The following GSTA5 variants were observed in gnomAD, a reference collection of about 807,000 sequenced individuals.
GSTA5 encodes glutathione S-transferase alpha 5, also known as glutathione S-transferase A5.
A neutral mutation model predicts 21.8 loss-of-function variants in GSTA5; 25 were observed. The observed-to-expected ratio is 1.14, with a 90% CI of 0.83 to 1.60. The LOEUF is 1.60. GSTA5 is among the 40% of genes most tolerant of loss of function. The probability of loss-of-function intolerance (pLI) is 0.00; values close to 1 mark genes in which losing one functional copy is unlikely to be tolerated. For missense variants in GSTA5, 330 were observed against 259.2 expected, an observed-to-expected ratio of 1.27 and a Z score of -1.88; for synonymous variants, 102 against 89.5, an observed-to-expected ratio of 1.14 and a Z score of -0.78.
At chr6:52,844,908 C>G (rs929618844), upstream of GSTA5, among the ~76,000 whole-genome samples, 1 of 152,058 alleles carries the variant, frequency 6.6e-6, no homozygotes, top group Admixed American at 6.5e-5. Context: ...GTATATGTAT[C>G]TATTTATAAT....
upstream of GSTA5, among the ~76,000 whole-genome samples, chr6:52,844,112 A>C (rs1487922871): frequency 6.6e-6 from 1 of 152,122 alleles, no homozygotes; most frequent in Non-Finnish European, 1.5e-5. Context: ...AATGGCTCCT[A>C]ATAGCCATTC....
chr6:52,837,209 A>C (rs1174648576), intron 2 of GSTA5, among the ~76,000 whole-genome samples: 1 of 152,176 alleles, frequency 6.6e-6, no homozygotes, highest in Non-Finnish European at 1.5e-5. Context: ...TCCTCCTTTC[A>C]TCTAGCGCAT....
intron 5 of GSTA5, among the ~76,000 whole-genome samples, chr6:52,832,385 T>C (rs1247007946): frequency 6.6e-6 from 1 of 152,148 alleles, no homozygotes; most frequent in Admixed American, 6.5e-5. Context: ...CCACCTTTTC[T>C]CAGTGACAGA....
At chr6:52,836,147 T>C in intron 3 of GSTA5, 89 bp downstream of exon 3, 2 of 1,440,392 alleles carry the variant, frequency 1.4e-6, no homozygotes, top group Non-Finnish European at 1.9e-6. Flanking sequence ...CTGCTGGTCA[T>C]GATGCCCTGC....
At chr6:52,834,209 C>T in exon 4 of GSTA5, 8 of 1,614,050 alleles carry the variant, frequency 5.0e-6, no homozygotes, top group Non-Finnish European at 6.8e-6. Context: ...GCATCTCTTT[C>T]CTCTGGTTGA....
intron 3 of GSTA5, among the ~76,000 whole-genome samples, chr6:52,835,705 G>A (rs987721334): frequency 3.3e-5 from 5 of 152,116 alleles, no homozygotes; most frequent in Non-Finnish European, 7.4e-5. Context: ...CTATCCATGT[G>A]TCAAGGTAAC....
At chr6:52,844,886 C>T (rs543992086), upstream of GSTA5, among the ~76,000 whole-genome samples, 1 of 152,248 alleles carries the variant, frequency 6.6e-6, no homozygotes, top group African/African-American at 2.4e-5. Flanking sequence ...ATTTTACCTA[C>T]CAACAATCTA....
At chr6:52,842,701 G>A (rs113057372), upstream of GSTA5, among the ~76,000 whole-genome samples, 3,679 of 152,176 alleles carry the variant, frequency 0.024, 71 homozygotes, top group Non-Finnish European at 0.036. Context: ...CACTGCACCC[G>A]CCGTCAACTA....
chr6:52,837,465 CCCCCCACACACATAGGTATT>C, intron 2 of GSTA5, 73 bp downstream of exon 2: 1 of 772,558 alleles, frequency 1.3e-6, no homozygotes, highest in Non-Finnish European at 2.2e-6. Context: ...CTAAATATCA[CCCCCCACACACATAGGTATT>C]CCTGGCTGCT....
At chr6:52,837,722 C>G (rs568046732) in intron 1 of GSTA5, 113 bp from the exon 2 acceptor site, 4 of 746,062 alleles carry the variant, frequency 5.4e-6, no homozygotes, top group South Asian at 3.6e-5. Flanking sequence ...TTCTGAGTTT[C>G]GCAGGATATA....
rs556152653 is a variant in GSTA5, at chr6:52,832,752, A to G, written c.546+107T>C. 37 of 1,552,256 alleles carry G rather than the reference A, an allele frequency of 2.4e-5. 1 individual carries two copies. In the East Asian group the frequency reaches 8.2e-4, roughly 34 times the overall value. On this transcript the variant is annotated intron_variant, in intron 5 of 5. Coordinates refer to ENST00000370989, the Ensembl canonical transcript of GSTA5. ...ATTTTGGAGACCTTGGGGGCACTGA[A>G]GGGCTGGAGAAGGGTGGGGTCAAAA...
chr6:52,834,050 G>A, intron 4 of GSTA5, 91 bp downstream of exon 4: 1 of 1,406,620 alleles, frequency 7.1e-7, no homozygotes, highest in Non-Finnish European at 1.0e-6. Context: ...CTCACTGAAA[G>A]TGAAGGTCAG....
In GSTA5 at chr6:52,836,339, T is replaced by C. The variant is rs1322103924; in HGVS notation, c.169A>G (p.Met57Val). 8.1e-6 allele frequency: 13 copies of C among 1,613,642 alleles called. No homozygotes were observed. The highest frequency in any genetic ancestry group is 2.7e-5 in the African/African-American group (2 of 74,864). Reference sequence around the variant, plus strand: ...AGCTTCATCCCGTCAATCTCAACCATTGGTACTTGCTGGAACAGCAAACTC... The same window carrying C: ...AGCTTCATCCCGTCAATCTCAACCACTGGTACTTGCTGGAACAGCAAACTC... Residue 57 changes from methionine (M) to valine (V), a missense_variant, in exon 3 of 6, where the codon ATG (methionine) becomes GTG (valine). Transcript: ENST00000370989.
chr6:52,831,928 ACTT>A, exon 6 of GSTA5: 1 of 1,613,874 alleles, frequency 6.2e-7, no homozygotes, highest in South Asian at 1.1e-5. Flanking sequence ...GGCTGCAGAA[ACTT>A]CTTCACCGTG....
intron 3 of GSTA5, among the ~76,000 whole-genome samples, chr6:52,834,494 A>G (rs1170694192): frequency 6.6e-6 from 1 of 152,204 alleles, no homozygotes; most frequent in African/African-American, 2.4e-5. Context: ...ATTTCCTAAA[A>G]CAACCTATCA....
chr6:52,834,372 G>T, intron 3 of GSTA5, 90 bp from the exon 4 acceptor site: 7 of 1,322,084 alleles, frequency 5.3e-6, no homozygotes, highest in Non-Finnish European at 7.3e-6. Flanking sequence ...GGGTCAGATG[G>T]TGGCAAAGTA....
intron 3 of GSTA5, among the ~76,000 whole-genome samples, chr6:52,835,663 T>C (rs1021619419): frequency 2.6e-5 from 4 of 152,190 alleles, no homozygotes; most frequent in African/African-American, 9.7e-5. Flanking sequence ...TTGGCTTTGT[T>C]GGTATTGAAT....
chr6:52,846,051 A>G, the GSTA5 span: 4 of 157,386 alleles, frequency 2.5e-5, no homozygotes, highest in African/African-American at 9.6e-5. Context: ...TTATAAGATC[A>G]GTACTTAGTT....
rs377405465 is a variant in GSTA5 at position 52,837,330 on chromosome 6, C to G, written c.139+228G>C. On this transcript the variant is annotated intron_variant, in intron 2 of 5. Transcript: ENST00000370989. ...ACAGAAAAAGGGCTTTCCCCGGGGG[C>G]GGGATATCATTCCTCTAACAAATAC... Among the ~76,000 whole-genome samples the G allele has an allele frequency of 3.9e-5, 6 of 152,238 alleles. 1 individual carries two copies. The highest frequency in any genetic ancestry group is 1.4e-4 in the African/African-American group (6 of 41,548).
Sources: gnomAD v4.1 joint callset for allele counts (sites outside exome capture counted in the v4.1 genomes callset) on GRCh38, gnomAD v4.1.1 for gene constraint, MANE v1.5 for transcripts, NCBI Gene and HGNC (gene_info 2026-07-23, HGNC 2026-07-21) for gene names.